The following NSL1 variants were observed in gnomAD, a reference collection of about 807,000 sequenced individuals.
The protein encoded by NSL1 is kinetochore-associated protein NSL1 homolog.
A neutral mutation model predicts 25.4 loss-of-function variants in NSL1; 11 were observed. The observed-to-expected ratio is 0.43, with a 90% confidence interval of 0.27 to 0.72. NSL1 has a LOEUF of 0.72. NSL1 is among the 30% of genes least tolerant of loss of function. NSL1 has a pLI of 0.19. For missense variants in NSL1, 330 were observed against 342.7 expected (o/e 0.96, Z 0.29); for synonymous variants, 118 against 120.6 (o/e 0.98, Z 0.14).
chr1:212,770,394 T>C (rs947859422), intron 4 of NSL1, among the ~76,000 whole-genome samples: 1 of 151,762 alleles, frequency 6.6e-6, no homozygotes, highest in African/African-American at 2.4e-5. Flanking sequence ...AGAACAACTA[T>C]ACACTAACAA....
In NSL1 at chr1:212,729,981, C is replaced by T. The variant is rs146714502; in HGVS notation, c.*8427G>A. ...TAAGAATGAAATGGGCCGGGCGTGG[C>T]GGCTCACTCCTGTAATCACAGCACT... On this transcript the variant is annotated 3_prime_UTR_variant, in exon 6 of 6. Coordinates refer to ENST00000366977, the MANE Select transcript of NSL1 (RefSeq NM_015471.4). 19,795 of 984,502 alleles carry T rather than the reference C, an allele frequency of 0.02. 214 individuals are homozygous for T. Among genetic ancestry groups the T allele is most frequent in the Middle Eastern group, 0.046 (88 of 1,912 alleles). The allele number at this position is 984,502 out of a possible 1,614,324, so 61.0% of individuals were successfully genotyped here. A position where few individuals can be genotyped will look rare whatever the true frequency, so the allele number is the denominator to read the frequency against.
chr1:212,776,037 A>G (rs1660349773), intron 4 of NSL1, among the ~76,000 whole-genome samples: 1 of 151,990 alleles, frequency 6.6e-6, no homozygotes, highest in Non-Finnish European at 1.5e-5. Context: ...CCATGGTCTC[A>G]ATCTCCTGAG....
Position 212,728,109 on chromosome 1 carries a change from C to A in NSL1, c.*10299G>T. The stretch of plus-strand genomic sequence containing the variant: ...CTCCACCTCTTTCTCATGAAATGGG[C>A]GTGGTAATAGCCCTTAATTCATGGA... On this transcript the variant is annotated 3_prime_UTR_variant, in exon 6 of 6. Transcript: ENST00000366977. 1 of 974,358 alleles carries A rather than the reference C, an allele frequency of 1.0e-6. No individual in the cohort carries two copies. Among genetic ancestry groups the A allele is most frequent in the Non-Finnish European group, 1.2e-6 (1 of 819,942 alleles). The allele number at this position is 974,358 out of a possible 1,614,324, so 60.4% of individuals were successfully genotyped here. A position where few individuals can be genotyped will look rare whatever the true frequency, so the allele number is the denominator to read the frequency against.
Position 212,732,092 on chromosome 1 carries a change from T to C in NSL1, c.*6316A>G. On this transcript the variant is annotated 3_prime_UTR_variant, in exon 6 of 6. Transcript: ENST00000366977. ...TTTTATTATTATGGCTATATAAATA[T>C]TGTTCACTGGAGAACTAATTTGTAA... 2 of 982,010 alleles carry C rather than the reference T, an allele frequency of 2.0e-6. No individual in the cohort carries two copies. Among genetic ancestry groups the C allele is most frequent in the Non-Finnish European group, 2.4e-6 (2 of 826,960 alleles). The allele number at this position is 982,010 out of a possible 1,614,324, so 60.8% of individuals were successfully genotyped here. A position where few individuals can be genotyped will look rare whatever the true frequency, so the allele number is the denominator to read the frequency against.
intron 4 of NSL1, among the ~76,000 whole-genome samples, chr1:212,750,508 T>C (rs1308191572): frequency 6.6e-6 from 1 of 151,938 alleles, no homozygotes; most frequent in Non-Finnish European, 1.5e-5. Context: ...CAGACTGGAA[T>C]AGGAGGACAG....
intron 4 of NSL1, among the ~76,000 whole-genome samples, chr1:212,744,963 C>T (rs1307251646): frequency 6.6e-6 from 1 of 151,916 alleles, no homozygotes; most frequent in Non-Finnish European, 1.5e-5. Context: ...TGGTGAAACC[C>T]CGTCTCTACT....
At position 212,735,848 on chromosome 1, in the gene NSL1, G is replaced by T. The variant is rs572712638; in HGVS notation, c.*2560C>A. On this transcript the variant is annotated 3_prime_UTR_variant, in exon 6 of 6. Transcript: ENST00000366977. ...ACAGCCCTCACCAGAAACTGCATTT[G>T]CCAGCACCTTCTCATGGACTTCTAG... 255 of 689,502 alleles carry T rather than the reference G, an allele frequency of 3.7e-4. No individual in the cohort carries two copies. The highest frequency in any genetic ancestry group is 4.3e-4 in the Non-Finnish European group (242 of 559,958). The allele number at this position is 689,502 out of a possible 1,614,324, so 42.7% of individuals were successfully genotyped here. A position where few individuals can be genotyped will look rare whatever the true frequency, so the allele number is the denominator to read the frequency against.
rs113982780 is a variant in NSL1 at position 212,760,857 on chromosome 1, T to C, written c.500-21256A>G. Among the ~76,000 whole-genome samples the C allele has an allele frequency of 0.023, 3,466 of 152,272 alleles. 63 individuals are homozygous for C. The highest frequency in any genetic ancestry group is 0.042 in the South Asian group (201 of 4,828). The stretch of plus-strand genomic sequence containing the variant: ...CAAGGGAACCAAAAATGGATGTATT[T>C]GGCATGCCATCACCACCAGTGGGGC... On this transcript the variant is annotated intron_variant, in intron 4 of 5. Transcript: ENST00000366977. The surrounding 1 kb of genome is among the most constrained non-coding windows in gnomAD (Gnocchi z 4.3).
intron 4 of NSL1, among the ~76,000 whole-genome samples, chr1:212,773,048 C>T (rs779707121): frequency 1.8e-4 from 28 of 152,162 alleles, no homozygotes; most frequent in South Asian, 4.1e-4. Context: ...CAGCTCAAGA[C>T]GGATTAATGA....
chr1:212,745,160 CTATATATATATATATA>C (rs59293969), intron 4 of NSL1, among the ~76,000 whole-genome samples: 17 of 117,688 alleles, frequency 1.4e-4, no homozygotes, highest in African/African-American at 5.7e-4. Context: ...AACAAACAAA[CTATATATATATATATA>C]TATATATATA....
Position 212,781,087 on chromosome 1 carries a change from A to G in NSL1, c.499+1285T>C, listed in dbSNP as rs79525481. On this transcript the variant is annotated intron_variant, in intron 4 of 5. Coordinates refer to ENST00000366977, the MANE Select transcript of NSL1 (RefSeq NM_015471.4). The stretch of plus-strand genomic sequence containing the variant: ...CTGATGCTATTCTAAGCTTGTTAAC[A>G]TTATGAAAATGCATAATGAAAAAAC... Among the ~76,000 whole-genome samples, 113 of 152,358 alleles carry G rather than the reference A, an allele frequency of 7.4e-4. 3 individuals carry two copies. The East Asian group carries it at 0.02, about 27-fold the overall frequency.
Position 212,735,694 on chromosome 1 carries a change from G to T in NSL1, c.*2714C>A. 1 of 275,032 alleles carries T rather than the reference G, an allele frequency of 3.6e-6. No homozygotes were observed. Among genetic ancestry groups the T allele is most frequent in the Non-Finnish European group, 5.5e-6 (1 of 180,652 alleles). The allele number at this position is 275,032 out of a possible 1,614,324, so 17.0% of individuals were successfully genotyped here. ...GGCCATAAGGGTGGGGCTCTGATCT[G>T]ATACAATTGGTGTCCTTATAAGAAG... On this transcript the variant is annotated 3_prime_UTR_variant, in exon 6 of 6. Coordinates refer to ENST00000366977, the MANE Select transcript of NSL1 (RefSeq NM_015471.4).
chr1:212,757,605 G>C (rs530586778), intron 4 of NSL1, among the ~76,000 whole-genome samples: 1 of 152,090 alleles, frequency 6.6e-6, no homozygotes, highest in Admixed American at 6.6e-5. Context: ...GCAAGAGATG[G>C]AGCAAGGATG....
intron 4 of NSL1, among the ~76,000 whole-genome samples, chr1:212,747,820 C>T (rs1048397971): frequency 2.0e-5 from 3 of 152,100 alleles, no homozygotes; most frequent in African/African-American, 7.2e-5. Flanking sequence ...GGCTGGAGTG[C>T]AGTGGTGTGA....
intron 4 of NSL1, among the ~76,000 whole-genome samples, chr1:212,767,639 C>A (rs1448075893): frequency 6.6e-6 from 1 of 152,170 alleles, no homozygotes; most frequent in Non-Finnish European, 1.5e-5. Context: ...AGACAACCCA[C>A]AGAGTGGGAG....
chr1:212,768,268 C>G lies in NSL1; in HGVS notation c.499+14104G>C, dbSNP rs557527377. ...CTGGGAGGCGGAGCTTGCAGTGAGC[C>G]GAGACTGCACCACTGCACTCCAGCC... On this transcript the variant is annotated intron_variant, in intron 4 of 5. Transcript: ENST00000366977. 1.8e-4 allele frequency among the ~76,000 whole-genome samples: 25 copies of G among 138,204 alleles called. No individual in the cohort carries two copies. In the East Asian group the frequency reaches 5.2e-3, roughly 28 times the overall value. 90.7% of individuals were successfully genotyped at this position (138,204 alleles called of 152,430 possible). A position where few individuals can be genotyped will look rare whatever the true frequency, so the allele number is the denominator to read the frequency against.
intron 4 of NSL1, among the ~76,000 whole-genome samples, chr1:212,764,750 G>T (rs902712376): frequency 6.2e-5 from 9 of 144,492 alleles, no homozygotes; most frequent in Admixed American, 1.4e-4. Flanking sequence ...GGAGGCTGAG[G>T]AAGGAGAATT....
rs11342201 is a variant in NSL1, at chr1:212,732,028, A to ATTTT, written c.*6376_*6379dup. On this transcript the variant is annotated 3_prime_UTR_variant, in exon 6 of 6. Coordinates refer to ENST00000366977, the MANE Select transcript of NSL1 (RefSeq NM_015471.4). ...TTAGCCTCCCAGTGTAACTGTCCCA[A>ATTTT]TTTTTTTTTTTTTTTTTTACTGAAT... is the stretch of plus-strand genomic sequence containing the variant. 16 of 930,700 alleles carry ATTTT rather than the reference A, an allele frequency of 1.7e-5. No individual in the cohort carries two copies. Among genetic ancestry groups the ATTTT allele is most frequent in the African/African-American group, 1.7e-4 (9 of 53,226 alleles). The allele number at this position is 930,700 out of a possible 1,614,324, so 57.7% of individuals were successfully genotyped here.
At chr1:212,778,410 T>C (rs1660482190) in intron 4 of NSL1, among the ~76,000 whole-genome samples, 2 of 151,580 alleles carry the variant, frequency 1.3e-5, no homozygotes, top group South Asian at 4.2e-4. Flanking sequence ...TCCTCTCTCC[T>C]CTCTCTCCCC....
Sources: gnomAD v4.1 joint callset for allele counts (sites outside exome capture counted in the v4.1 genomes callset) on GRCh38, gnomAD v4.1.1 for gene constraint, Gnocchi (gnomAD v3.1) non-coding constraint, MANE v1.5 for transcripts, NCBI Gene and HGNC (gene_info 2026-07-23, HGNC 2026-07-21) for gene names.